CCT8: variants seen among roughly 807,000 people sequenced by gnomAD.
CCT8 encodes chaperonin containing TCP1 subunit 8.
CCT8 carries 10 observed loss-of-function variants against 65.7 expected under a neutral mutation model. That is an observed-to-expected ratio of 0.15 (90% confidence interval 0.09 to 0.26). The LOEUF (loss-of-function observed/expected upper bound fraction) is 0.26, where lower values mean the gene tolerates loss of function less well. Among genes scored for constraint, CCT8 ranks in the 10% least tolerant of loss-of-function variants. The pLI is 1.00. For synonymous variants in CCT8, 199 were observed against 221.8 expected (o/e 0.90, Z 0.92); for missense variants, 568 against 669.1 (o/e 0.85, Z 1.67).
chr21:29,062,591 AAT>A, intron 8 of CCT8, 35 bp from the exon 9 acceptor site: 1 of 1,551,408 alleles, frequency 6.4e-7, no homozygotes, highest in Non-Finnish European at 8.9e-7. Flanking sequence ...TAAAAGTTTT[AAT>A]CAATTTCAGA....
chr21:29,058,593 CTT>C (rs71189337), intron 14 of CCT8, among the ~76,000 whole-genome samples: 1,417 of 125,482 alleles, frequency 0.011, 13 homozygotes, highest in African/African-American at 0.034. Context: ...TGTATTTCTT[CTT>C]TTTTTTTTTT....
chr21:29,062,085 T>C (rs1054485311), intron 11 of CCT8, 43 bp downstream of exon 11: 7 of 1,290,572 alleles, frequency 5.4e-6, no homozygotes, highest in Non-Finnish European at 7.9e-6. Flanking sequence ...CCATACAAAT[T>C]ACTCAGACCT....
At position 29,070,229 on chromosome 21, in the gene CCT8, T is replaced by C. The variant is rs1423995141; in HGVS notation, c.151+18A>G. 3.4e-6 allele frequency: 5 copies of C among 1,488,124 alleles called. No homozygotes were observed. The highest frequency in any genetic ancestry group is 4.7e-6 in the Non-Finnish European group (5 of 1,073,244). 92.2% of individuals were successfully genotyped at this position (1,488,124 alleles called of 1,614,324 possible). ...TATTCTACTACTGTATCTTTACAAATATTAATTTAGAAATTACCATTTGGT... is the reference window on the plus strand; with the variant it reads ...TATTCTACTACTGTATCTTTACAAACATTAATTTAGAAATTACCATTTGGT... On this transcript the variant is annotated intron_variant, in intron 2 of 14. Coordinates refer to ENST00000286788, the MANE Select transcript of CCT8 (RefSeq NM_006585.4).
At chr21:29,067,813 C>A (rs1481727200) in intron 3 of CCT8, 108 bp from the exon 4 acceptor site, 1 of 754,472 alleles carries the variant, frequency 1.3e-6, no homozygotes, top group Non-Finnish European at 1.9e-6. Context: ...TTAGGTAACT[C>A]CATCTGATCA....
At chr21:29,057,456 C>G (rs1311893780) in intron 14 of CCT8, among the ~76,000 whole-genome samples, 1 of 151,638 alleles carries the variant, frequency 6.6e-6, no homozygotes, top group South Asian at 2.1e-4. Context: ...TGAGCCACTG[C>G]GCTCGGCTGG....
rs1297839046 is a variant in CCT8, at chr21:29,060,566, G to A, written c.1544C>T (p.Ala515Val). 3.7e-6 allele frequency: 6 copies of A among 1,613,712 alleles called. No homozygotes were observed. The African/African-American group carries it at 5.3e-5, about 14-fold the overall frequency. The change falls in exon 14 of 15, where the codon GCA (alanine) becomes GTA (valine). Residue 515 changes from alanine (A) to valine (V), a missense_variant. Transcript: ENST00000286788. ...YWAIKLATNA[A>V]VTVLRVDQII... The stretch of plus-strand genomic sequence containing the variant: ...CTGATCCACTCTAAGTACAGTGACT[G>A]CAGCATTAGTAGCGAGTTTGATAGC...
chr21:29,057,451 C>T (rs1211085080), intron 14 of CCT8, among the ~76,000 whole-genome samples: 1 of 151,620 alleles, frequency 6.6e-6, no homozygotes. Flanking sequence ...AGGTGTGAGC[C>T]ACTGCGCTCG....
chr21:29,065,148 T>C (rs2085607803), intron 6 of CCT8, 43 bp from the exon 7 acceptor site: 2 of 1,597,438 alleles, frequency 1.3e-6, no homozygotes, highest in East Asian at 2.2e-5. Flanking sequence ...CTCCTGAAAA[T>C]AACATTACGG....
rs1232210349 is a variant in CCT8 at position 29,063,473 on chromosome 21, T to C, written c.820A>G (p.Asn274Asp). 6.2e-7 allele frequency: 1 copy of C among 1,614,130 alleles called. No homozygotes were observed. ...ELMNFSKGEENLMDAQVKAIA... is the reference protein window; with the variant it reads ...ELMNFSKGEEDLMDAQVKAIA... ...GCTTTGACTTGTGCATCCATGAGGT[T>C]TTCTTCTCCCTTACTAAAATTCATC... The change falls in exon 8 of 15, where the codon AAC (asparagine) becomes GAC (aspartate). Residue 274 changes from asparagine to aspartate, a missense_variant. Physicochemically the swap from Asn to Asp is conservative, Grantham distance 23. Transcript: ENST00000286788.
Position 29,067,625 on chromosome 21 carries a change from A to G in CCT8, c.312T>C (p.Val104=). The change falls in exon 4 of 15, where the codon GTT becomes GTC. Residue 104 remains valine (V), a synonymous_variant. Coordinates refer to ENST00000286788, the MANE Select transcript of CCT8 (RefSeq NM_006585.4). ...EQEVGDGTNF[V]LVFAGALLEL... is the part of the protein sequence containing the mutation. ...CCAGGAGAGCTCCAGCAAATACCAG[A>G]ACAAAGTTTGTGCCATCTCCAACTT... is the stretch of plus-strand genomic sequence containing the variant. 1 of 1,425,834 alleles carries G rather than the reference A, an allele frequency of 7.0e-7. No individual in the cohort carries two copies. The highest frequency in any genetic ancestry group is 2.8e-5 in the Admixed American group (1 of 35,582). 88.3% of individuals were successfully genotyped at this position (1,425,834 alleles called of 1,614,324 possible).
At position 29,059,080 on chromosome 21, in the gene CCT8, A is replaced by C. The variant is rs181411887; in HGVS notation, c.1569+1461T>G. Among the ~76,000 whole-genome samples, 469 of 152,298 alleles carry C rather than the reference A, an allele frequency of 3.1e-3. 4 individuals carry two copies. Among genetic ancestry groups the C allele is most frequent in the Non-Finnish European group, 5.4e-3 (368 of 68,022 alleles). On this transcript the variant is annotated intron_variant, in intron 14 of 14. Transcript: ENST00000286788. Reference sequence around the variant, plus strand: ...AGGTGTGAGCCACCATACCTGGCTGAGAACTGTCATTCTAACAAGTTCTCA... The same window carrying C: ...AGGTGTGAGCCACCATACCTGGCTGCGAACTGTCATTCTAACAAGTTCTCA...
chr21:29,060,409 A>AT, intron 14 of CCT8, 132 bp downstream of exon 14: 1 of 840,142 alleles, frequency 1.2e-6, no homozygotes, highest in Non-Finnish European at 1.8e-6. Flanking sequence ...AGGGGGGCAC[A>AT]TAGTATCTCT....
chr21:29,061,660 AC>A, intron 11 of CCT8, 93 bp from the exon 12 acceptor site: 1 of 1,174,220 alleles, frequency 8.5e-7, no homozygotes, highest in Non-Finnish European at 1.2e-6. Flanking sequence ...ACATTCCAGT[AC>A]CCCACCAAAC....
chr21:29,064,509 TCAA>T (rs961922843), intron 7 of CCT8, among the ~76,000 whole-genome samples: 19 of 148,326 alleles, frequency 1.3e-4, no homozygotes, highest in African/African-American at 4.7e-4. Flanking sequence ...TTTAAAACTA[TCAA>T]CAACTTGGAT....
chr21:29,070,361 AC>A, intron 1 of CCT8, 24 bp from the exon 2 acceptor site: 1 of 1,481,098 alleles, frequency 6.8e-7, no homozygotes, highest in Non-Finnish European at 9.3e-7. Context: ...CAAACAAAAA[AC>A]CCCGCTAATT....
rs375378716 is a variant in CCT8 at position 29,069,443 on chromosome 21, T to A, written c.211A>T (p.Thr71Ser). 1.3e-6 allele frequency: 2 copies of A among 1,582,170 alleles called. No individual in the cohort carries two copies. Among genetic ancestry groups the A allele is most frequent in the Non-Finnish European group, 1.7e-6 (2 of 1,166,248 alleles). Residue 71 changes from threonine to serine, a missense_variant, in exon 3 of 15, where the codon ACT (threonine) becomes TCT (serine). Transcript: ENST00000286788. ...EKLFVTNDAA[T>S]ILRELEVQHP... ...CTTACTTCTAGTTCTCTTAAAATAG[T>A]TGCTGCATCGTTTGTCACAAACAAC...
At chr21:29,065,315 G>C (rs546735886) in intron 6 of CCT8, among the ~76,000 whole-genome samples, 1 of 152,334 alleles carries the variant, frequency 6.6e-6, no homozygotes, top group African/African-American at 2.4e-5. Flanking sequence ...TACTTTTAGG[G>C]AGGGGAGGTC....
intron 14 of CCT8, among the ~76,000 whole-genome samples, chr21:29,057,372 C>T (rs910588908): frequency 2.6e-5 from 4 of 151,014 alleles, no homozygotes; most frequent in Admixed American, 6.6e-5. Context: ...GGTTTCACCA[C>T]GTTGGCCAGG....
chr21:29,063,547 A>G lies in CCT8; in HGVS notation c.763-17T>C, dbSNP rs772560443. ...CACTGTTCCCTGGCAAAACAAGTAA[A>G]CATTCCCTTTAAAATCATTTCACTA... On this transcript the variant is annotated splice_polypyrimidine_tract_variant and intron_variant, in intron 7 of 14. Coordinates refer to ENST00000286788, the MANE Select transcript of CCT8 (RefSeq NM_006585.4). The G allele has an allele frequency of 6.2e-7, 1 of 1,609,760 alleles. No homozygotes were observed. The highest frequency in any genetic ancestry group is 1.1e-5 in the South Asian group (1 of 90,942).
Sources: gnomAD v4.1 joint callset for allele counts (sites outside exome capture counted in the v4.1 genomes callset) on GRCh38, gnomAD v4.1.1 for gene constraint, MANE v1.5 for transcripts, NCBI Gene and HGNC (gene_info 2026-07-23, HGNC 2026-07-21) for gene names.